The following LARGE1 variants were observed in gnomAD, a reference collection of about 807,000 sequenced individuals.
LARGE1 encodes the protein xylosyl- and glucuronyltransferase LARGE1.
LARGE1 carries 43 observed loss-of-function variants against 87.6 expected under a neutral mutation model. That is an observed-to-expected ratio of 0.49 (90% CI 0.38 to 0.63). The LOEUF (loss-of-function observed/expected upper bound fraction) is 0.63, where lower values mean the gene tolerates loss of function less well. LARGE1 is among the 30% of genes least tolerant of loss of function. The pLI is 0.00. For synonymous variants in LARGE1, 434 were observed against 394.6 expected (o/e 1.10, Z -1.18); for missense variants, 802 against 1,000.2 (o/e 0.80, Z 2.67).
At chr22:33,838,155 G>C (rs2063163249) in intron 1 of LARGE1, among the ~76,000 whole-genome samples, 1 of 152,168 alleles carries the variant, frequency 6.6e-6, no homozygotes, top group Non-Finnish European at 1.5e-5. Context: ...GCCATTCTTA[G>C]CTCATGGGCT....
rs1928573120 is a variant in LARGE1 at position 33,273,632 on chromosome 22, T to C, written c.*795A>G. 5.0e-6 allele frequency: 2 copies of C among 398,714 alleles called. No individual in the cohort carries two copies. Among genetic ancestry groups the C allele is most frequent in the Non-Finnish European group, 8.8e-6 (2 of 226,298 alleles). 24.7% of individuals were successfully genotyped at this position (398,714 alleles called of 1,614,324 possible). Reference sequence around the variant, plus strand: ...GAGTTCAAAGTCACGGGAGCCTCGGTGATCATCCTGAAGGAAGCTGCCCAT... The same window carrying C: ...GAGTTCAAAGTCACGGGAGCCTCGGCGATCATCCTGAAGGAAGCTGCCCAT... On this transcript the variant is annotated 3_prime_UTR_variant, in exon 15 of 15. Transcript: ENST00000397394.
At chr22:33,086,466 T>C in the LARGE1 span, among the ~76,000 whole-genome samples, 2 of 152,084 alleles carry the variant, frequency 1.3e-5, no homozygotes, top group Non-Finnish European at 2.9e-5. Flanking sequence ...TTATTCATAT[T>C]TGAATAAATT....
At chr22:33,896,775 T>C (rs2065156575) in intron 1 of LARGE1, among the ~76,000 whole-genome samples, 1 of 152,160 alleles carries the variant, frequency 6.6e-6, no homozygotes, top group African/African-American at 2.4e-5. Context: ...GGAGTCTTTT[T>C]CAGTTACACT....
At chr22:33,224,867 A>G (rs1021832323) in intron 11 of LARGE1, among the ~76,000 whole-genome samples, 4 of 152,250 alleles carry the variant, frequency 2.6e-5, no homozygotes, top group Non-Finnish European at 4.4e-5. Context: ...AGCCAGAGGA[A>G]CTGAATCAGA....
chr22:33,364,116 G>A lies in LARGE1; in HGVS notation c.1131+17803C>T, dbSNP rs564642268. 2.4e-4 allele frequency among the ~76,000 whole-genome samples: 37 copies of A among 151,202 alleles called. 1 individual carries two copies. The highest frequency in any genetic ancestry group is 4.4e-4 in the Non-Finnish European group (30 of 67,702). On this transcript the variant is annotated intron_variant, in intron 9 of 14. Transcript: ENST00000397394. ...GTCGCCCAGGCTGGAGTGCAGTGGC[G>A]CAATCTCGGCTCACTGCAAACTCCG...
chr22:33,511,259 T>C (rs1332008373), intron 6 of LARGE1, among the ~76,000 whole-genome samples: 1 of 152,222 alleles, frequency 6.6e-6, no homozygotes, highest in African/African-American at 2.4e-5. Flanking sequence ...TACTGCTGTA[T>C]GCCTTGAGGT....
At chr22:33,360,491 G>C (rs2064347418) in intron 9 of LARGE1, among the ~76,000 whole-genome samples, 1 of 149,446 alleles carries the variant, frequency 6.7e-6, no homozygotes, top group Non-Finnish European at 1.5e-5. Flanking sequence ...ATGTGGGCCA[G>C]AGCAGCAAGA....
chr22:33,102,865 G>A, the LARGE1 span, among the ~76,000 whole-genome samples: 1 of 152,046 alleles, frequency 6.6e-6, no homozygotes, highest in Admixed American at 6.6e-5. Flanking sequence ...AGGAAATCTG[G>A]CTCTGTTTCT....
intron 6 of LARGE1, among the ~76,000 whole-genome samples, chr22:33,474,552 C>A (rs2068991473): frequency 6.6e-6 from 1 of 152,176 alleles, no homozygotes; most frequent in Non-Finnish European, 1.5e-5. Flanking sequence ...TTATGCCTGG[C>A]ACGCTTTGCA....
In LARGE1 at chr22:33,331,745, T is replaced by C. The variant is rs138705647; in HGVS notation, c.1287+5901A>G. Among the ~76,000 whole-genome samples the C allele has an allele frequency of 2.8e-3, 419 of 152,256 alleles. 3 individuals are homozygous for C. The highest frequency in any genetic ancestry group is 9.1e-3 in the African/African-American group (377 of 41,556). On this transcript the variant is annotated intron_variant, in intron 10 of 14. Coordinates refer to ENST00000397394, the MANE Select transcript of LARGE1 (RefSeq NM_133642.5). ...TTTATAGTTCTCACACTGACTTCAT[T>C]TGACTCTCAACTCCCAGCAGGTCCT...
chr22:33,507,615 A>T (rs1487310643), intron 6 of LARGE1, among the ~76,000 whole-genome samples: 2 of 152,326 alleles, frequency 1.3e-5, no homozygotes, highest in Middle Eastern at 6.8e-3. Context: ...ATGATGAAAA[A>T]GTTCTGGAGA....
intron 11 of LARGE1, among the ~76,000 whole-genome samples, chr22:33,315,492 A>G (rs1024178513): frequency 6.6e-6 from 1 of 152,082 alleles, no homozygotes; most frequent in African/African-American, 2.4e-5. Flanking sequence ...CCTCTTCCTG[A>G]GGTAATTCGA....
At chr22:33,763,447 GA>G (rs1394657812) in intron 1 of LARGE1, among the ~76,000 whole-genome samples, 1 of 152,082 alleles carries the variant, frequency 6.6e-6, no homozygotes, top group African/African-American at 2.4e-5. Flanking sequence ...ATGTTGACTT[GA>G]AAAAAAGTCC....
At chr22:33,130,313 C>CAAAAAAAAAAAAAAAAAAAAAAA in the LARGE1 span, among the ~76,000 whole-genome samples, 15 of 57,002 alleles carry the variant, frequency 2.6e-4, 1 homozygote, top group South Asian at 7.1e-4. Context: ...GATTCCGTCT[C>CAAAAAAAAAAAAAAAAAAAAAAA]AAAAAAAAAA....
At chr22:33,391,893 C>T (rs2147214663) in intron 7 of LARGE1, among the ~76,000 whole-genome samples, 1 of 151,504 alleles carries the variant, frequency 6.6e-6, no homozygotes, top group African/African-American at 2.4e-5. Context: ...CCTCAGCCTC[C>T]CGAGTAGCTG....
chr22:33,533,827 G>T (rs922853271), intron 6 of LARGE1, among the ~76,000 whole-genome samples: 1 of 150,908 alleles, frequency 6.6e-6, no homozygotes, highest in African/African-American at 2.4e-5. Flanking sequence ...AAAAATGTAG[G>T]ATCTTGTTCA....
At chr22:33,158,212 G>T (rs1921926030), downstream of LARGE1, among the ~76,000 whole-genome samples, 1 of 152,016 alleles carries the variant, frequency 6.6e-6, no homozygotes, top group Admixed American at 6.6e-5. Flanking sequence ...ATACTGTGCT[G>T]AGTTGAAAAT....
At chr22:33,210,342 T>G (rs1051173816) in intron 11 of LARGE1, among the ~76,000 whole-genome samples, 21 of 152,184 alleles carry the variant, frequency 1.4e-4, no homozygotes, top group African/African-American at 4.8e-4. Context: ...GTTTAAAAAA[T>G]GAAGTTAGCG....
intron 3 of LARGE1, among the ~76,000 whole-genome samples, chr22:33,632,782 T>C (rs553130402): frequency 9.2e-5 from 14 of 152,336 alleles, no homozygotes; most frequent in African/African-American, 3.1e-4. Context: ...TCATAGATAC[T>C]TGCTGATCCC....
Sources: gnomAD v4.1 joint callset for allele counts (sites outside exome capture counted in the v4.1 genomes callset) on GRCh38, gnomAD v4.1.1 for gene constraint, MANE v1.5 for transcripts, NCBI Gene and HGNC (gene_info 2026-07-23, HGNC 2026-07-21) for gene names.